BANK1: variants seen among roughly 807,000 people sequenced by gnomAD.
BANK1 encodes B cell scaffold protein with ankyrin repeats 1.
A neutral mutation model predicts 94.5 loss-of-function variants in BANK1; 95 were observed. The ratio of observed to expected loss-of-function variants is 1.00; its 90% CI spans 0.85 to 1.19. The LOEUF is 1.19. Ranked by LOEUF, BANK1 falls within the 50% of genes most tolerant of loss-of-function variation. BANK1 has a pLI of 0.00. For synonymous variants in BANK1, 334 were observed against 308.4 expected (o/e 1.08, Z -0.87); for missense variants, 987 against 932.2 (o/e 1.06, Z -0.77).
chr4:101,918,019 CTT>C lies in BANK1; in HGVS notation c.1037_1038del (p.Leu346ProfsTer27). 1 of 1,609,990 alleles carries C rather than the reference CTT, an allele frequency of 6.2e-7. No individual in the cohort carries two copies. Among genetic ancestry groups the C allele is most frequent in the Non-Finnish European group, 8.5e-7 (1 of 1,177,234 alleles). On this transcript the variant is annotated frameshift_variant, in exon 7 of 17. Transcript: ENST00000322953. LOFTEE classifies it high-confidence loss of function. ...KYTHFKELPT[L>X]LHCAAKFGLK... ...TACTCATTTCAAAGAACTTCCAACT[CTT>C]CTCCACTGTGCAGCAAAATTTGGCT...
In BANK1 at chr4:101,896,805, T is replaced by C. The variant is rs189713635; in HGVS notation, c.1009+1395T>C. On this transcript the variant is annotated intron_variant, in intron 6 of 16. Coordinates refer to ENST00000322953, the MANE Select transcript of BANK1 (RefSeq NM_017935.5). ...AAAGGGTACATTATTTTTCAAGATG[T>C]GCTTCAAAAAGGAAGTGGGATTTTA... Among the ~76,000 whole-genome samples, 620 of 151,988 alleles carry C rather than the reference T, an allele frequency of 4.1e-3. 4 individuals carry two copies. Among genetic ancestry groups the C allele is most frequent in the African/African-American group, 0.014 (563 of 41,540 alleles).
intron 1 of BANK1, among the ~76,000 whole-genome samples, chr4:101,823,364 C>T (rs992396584): frequency 6.6e-6 from 1 of 152,032 alleles, no homozygotes; most frequent in African/African-American, 2.4e-5. Flanking sequence ...TATATACTTA[C>T]CTTTGTATAC....
chr4:101,821,031 A>T (rs912106410), intron 1 of BANK1, among the ~76,000 whole-genome samples: 1 of 152,148 alleles, frequency 6.6e-6, no homozygotes, highest in Non-Finnish European at 1.5e-5. Flanking sequence ...GCCATACTGC[A>T]TTCCACAGTG....
intron 2 of BANK1, among the ~76,000 whole-genome samples, chr4:101,830,973 T>C (rs1028814259): frequency 1.2e-4 from 19 of 152,318 alleles, no homozygotes; most frequent in South Asian, 6.2e-4. Flanking sequence ...GCTGGGAATG[T>C]CTCTCTTGCA....
intron 7 of BANK1, among the ~76,000 whole-genome samples, chr4:101,921,501 A>C (rs1414757910): frequency 6.6e-6 from 1 of 151,972 alleles, no homozygotes; most frequent in Non-Finnish European, 1.5e-5. Context: ...TTGAGATTTA[A>C]GATAAAGTGT....
chr4:101,986,899 GTATATATATA>G lies in BANK1; in HGVS notation c.1207-34592_1207-34583del, dbSNP rs1166018412. On this transcript the variant is annotated intron_variant, in intron 7 of 16. Transcript: ENST00000322953. Reference sequence around the variant, plus strand: ...TGTGTGTGTGTGTGTGTGTGTGTGTGTATATATATATATATATATATATATATATATAGTA... The same window carrying G: ...TGTGTGTGTGTGTGTGTGTGTGTGTGTATATATATATATATATATATAGTA... Among the ~76,000 whole-genome samples the G allele has an allele frequency of 8.5e-5, 7 of 82,670 alleles. 1 individual carries two copies. The highest frequency in any genetic ancestry group is 1.9e-4 in the African/African-American group (3 of 15,528). The allele number at this position is 82,670 out of a possible 152,430, so 54.2% of individuals were successfully genotyped here.
intron 2 of BANK1, among the ~76,000 whole-genome samples, chr4:101,844,157 G>A (rs557838174): frequency 6.6e-5 from 10 of 152,024 alleles, no homozygotes; most frequent in Non-Finnish European, 1.0e-4. Flanking sequence ...CTAATGAAAG[G>A]GACAGGAAAG....
intron 5 of BANK1, among the ~76,000 whole-genome samples, chr4:101,876,654 A>G (rs1179649277): frequency 6.6e-6 from 1 of 152,198 alleles, no homozygotes; most frequent in African/African-American, 2.4e-5. Flanking sequence ...GCAAACATCT[A>G]TAAATATCAA....
intron 6 of BANK1, among the ~76,000 whole-genome samples, chr4:101,910,294 T>C (rs1306690673): frequency 6.6e-6 from 1 of 152,140 alleles, no homozygotes; most frequent in African/African-American, 2.4e-5. Context: ...CAGTAATTGA[T>C]TGGCATCATT....
At chr4:101,943,662 A>G (rs1723826356) in intron 7 of BANK1, among the ~76,000 whole-genome samples, 2 of 151,900 alleles carry the variant, frequency 1.3e-5, no homozygotes, top group Admixed American at 6.6e-5. Context: ...AGATGCTAGT[A>G]GGCAGTTCTG....
chr4:102,013,246 A>G (rs903407720), intron 7 of BANK1, among the ~76,000 whole-genome samples: 2 of 152,058 alleles, frequency 1.3e-5, no homozygotes, highest in Non-Finnish European at 2.9e-5. Flanking sequence ...ATTCTCTTAT[A>G]TACTCTGTAT....
At chr4:101,830,480 G>T (rs1726574823) in intron 2 of BANK1, among the ~76,000 whole-genome samples, 1 of 152,128 alleles carries the variant, frequency 6.6e-6, no homozygotes, top group South Asian at 2.1e-4. Context: ...GGCAGAACAA[G>T]TATGGTATGC....
At chr4:102,049,881 C>A (rs980307911) in intron 11 of BANK1, among the ~76,000 whole-genome samples, 1 of 152,136 alleles carries the variant, frequency 6.6e-6, no homozygotes, top group Admixed American at 6.5e-5. Context: ...TAGGAATGCT[C>A]AACTGGTAAG....
intron 7 of BANK1, among the ~76,000 whole-genome samples, chr4:101,979,313 T>A (rs1199804972): frequency 4.0e-5 from 6 of 151,894 alleles, no homozygotes; most frequent in Non-Finnish European, 7.4e-5. Context: ...CCATAAAAAA[T>A]TAATTTGTAT....
intron 1 of BANK1, chr4:101,813,877 C>T: frequency 1.0e-6 from 1 of 985,428 alleles, no homozygotes; most frequent in Non-Finnish European, 1.2e-6. Context: ...GGGTGGGGGA[C>T]TACTTGCTTG....
chr4:101,885,838 G>A (rs1358651788), intron 5 of BANK1, among the ~76,000 whole-genome samples: 4 of 152,222 alleles, frequency 2.6e-5, no homozygotes, highest in African/African-American at 9.6e-5. Flanking sequence ...TAGGCTAGGA[G>A]TATAGCCTGC....
chr4:101,897,384 G>A (rs1253335332), intron 6 of BANK1, among the ~76,000 whole-genome samples: 1 of 151,958 alleles, frequency 6.6e-6, no homozygotes, highest in Non-Finnish European at 1.5e-5. Flanking sequence ...TTCCAGATAA[G>A]ATTAAAACTG....
chr4:101,808,828 C>A (rs1466918975), intron 1 of BANK1, among the ~76,000 whole-genome samples: 2 of 151,970 alleles, frequency 1.3e-5, no homozygotes, highest in Non-Finnish European at 2.9e-5. Flanking sequence ...TCAAGAATGG[C>A]CATAATTAAA....
At chr4:101,943,442 G>A (rs1209742366) in intron 7 of BANK1, among the ~76,000 whole-genome samples, 1 of 151,824 alleles carries the variant, frequency 6.6e-6, no homozygotes, top group Non-Finnish European at 1.5e-5. Context: ...CAGCCAGAGA[G>A]GCATTAAGGT....
Sources: allele counts gnomAD v4.1 joint callset (sites outside exome capture counted in the v4.1 genomes callset), GRCh38; gene constraint gnomAD v4.1.1; transcripts MANE v1.5; gene names NCBI Gene and HGNC (gene_info 2026-07-23, HGNC 2026-07-21).